BTC: variants seen among roughly 807,000 people sequenced by gnomAD.
BTC encodes probetacellulin.
A neutral mutation model predicts 18.1 loss-of-function variants in BTC; 13 were observed. The ratio of observed to expected loss-of-function variants is 0.72; its 90% CI spans 0.47 to 1.14. The LOEUF (loss-of-function observed/expected upper bound fraction) is 1.14. BTC is among the 50% of genes most tolerant of loss of function. The pLI, the probability that BTC is intolerant of heterozygous loss-of-function variation, is 0.00. For missense variants in BTC, 247 were observed against 224.2 expected (o/e 1.10, Z -0.65); for synonymous variants, 83 against 79.4 (o/e 1.05, Z -0.24).
chr4:74,747,184 T>C (rs1449923070), intron 5 of BTC, among the ~76,000 whole-genome samples: 11 of 152,330 alleles, frequency 7.2e-5, no homozygotes, highest in African/African-American at 2.4e-4. Context: ...TGCTTTGTTG[T>C]GCTAGTTACG....
intron 4 of BTC, among the ~76,000 whole-genome samples, chr4:74,749,951 C>G (rs1553955969): frequency 1.4e-5 from 2 of 142,262 alleles, no homozygotes; most frequent in Non-Finnish European, 3.0e-5. Flanking sequence ...AAAAAAAAAG[C>G]CTGGCTTGGT....
At chr4:74,754,938 A>AACACACAT (rs1724558543) in intron 3 of BTC, among the ~76,000 whole-genome samples, 1 of 149,904 alleles carries the variant, frequency 6.7e-6, no homozygotes. Context: ...TATCCCTCTC[A>AACACACAT]ACACACACAC....
At chr4:74,752,239 T>G (rs1304838789) in intron 3 of BTC, among the ~76,000 whole-genome samples, 3 of 152,138 alleles carry the variant, frequency 2.0e-5, no homozygotes, top group African/African-American at 7.2e-5. Context: ...GACCCAAGGA[T>G]GAATGAAAGA....
At chr4:74,764,914 T>C (rs983188243) in intron 2 of BTC, among the ~76,000 whole-genome samples, 1 of 151,926 alleles carries the variant, frequency 6.6e-6, no homozygotes, top group Non-Finnish European at 1.5e-5. Context: ...CAGACAGTGA[T>C]TGAGGAGCAA....
At chr4:74,757,274 A>G (rs9307118) in intron 2 of BTC, among the ~76,000 whole-genome samples, 65,382 of 152,108 alleles carry the variant, frequency 0.43, 14,317 homozygotes, top group East Asian at 0.62. Flanking sequence ...AGGAATCTCA[A>G]AGGACTTAGG....
chr4:74,773,891 C>T (rs1725112046), intron 1 of BTC, among the ~76,000 whole-genome samples: 1 of 152,070 alleles, frequency 6.6e-6, no homozygotes, highest in South Asian at 2.1e-4. Context: ...GGATTACAGG[C>T]ATGAGCCACC....
chr4:74,769,396 C>T (rs10005089), intron 2 of BTC, among the ~76,000 whole-genome samples: 35,362 of 151,944 alleles, frequency 0.23, 5,381 homozygotes, highest in African/African-American at 0.43. Context: ...TAAAGTTTTA[C>T]TGAAACAGAG....
intron 2 of BTC, among the ~76,000 whole-genome samples, chr4:74,767,734 A>G (rs1330439645): frequency 6.6e-6 from 1 of 152,116 alleles, no homozygotes; most frequent in Admixed American, 6.6e-5. Context: ...CAATAAACCC[A>G]TGAATATATG....
chr4:74,789,587 C>T (rs183742026), intron 1 of BTC, among the ~76,000 whole-genome samples: 10 of 152,196 alleles, frequency 6.6e-5, no homozygotes, highest in African/African-American at 2.4e-4. Flanking sequence ...CTCAATGTTA[C>T]AAGGCAACCA....
At chr4:74,761,290 T>A (rs1280029788) in intron 2 of BTC, among the ~76,000 whole-genome samples, 1 of 152,182 alleles carries the variant, frequency 6.6e-6, no homozygotes, top group Non-Finnish European at 1.5e-5. Flanking sequence ...CCATGATGAA[T>A]CCATGGCTCA....
At position 74,745,460 on chromosome 4, in the gene BTC, C is replaced by T. The variant is rs139784399; in HGVS notation, c.*1217G>A. ...TCCATCGATTTTTGTAAGTGAACCA[C>T]GTAATCAATGTAAAAAGTTAAATAT... is the stretch of plus-strand genomic sequence containing the variant. On this transcript the variant is annotated 3_prime_UTR_variant, in exon 6 of 6. Coordinates refer to ENST00000395743, the MANE Select transcript of BTC (RefSeq NM_001729.4). The T allele has an allele frequency of 7.9e-5, 12 of 152,266 alleles. No homozygotes were observed. Among genetic ancestry groups the T allele is most frequent in the African/African-American group, 2.4e-4 (10 of 41,550 alleles). The allele number at this position is 152,266 out of a possible 1,614,324, so 9.4% of individuals were successfully genotyped here. A position where few individuals can be genotyped will look rare whatever the true frequency, so the allele number is the denominator to read the frequency against.
chr4:74,755,921 G>C lies in BTC; in HGVS notation c.219C>G (p.Tyr73Ter), dbSNP rs1724585287. 1 of 1,614,062 alleles carries C rather than the reference G, an allele frequency of 6.2e-7. No individual in the cohort carries two copies. Among genetic ancestry groups the C allele is most frequent in the Non-Finnish European group, 8.5e-7 (1 of 1,180,022 alleles). The change falls in exon 3 of 6, where the codon TAC (tyrosine) becomes TAG (stop). Residue 73 changes from tyrosine (Y) to a stop codon, truncating the protein, a stop_gained. Coordinates refer to ENST00000395743, the MANE Select transcript of BTC (RefSeq NM_001729.4). LOFTEE classifies it high-confidence loss of function. ...KGHFSRCPKQ[Y>*]KHYCIKGRCR... ...ATCTCCCTTTGATGCAGTAATGCTT[G>C]TATTGCTTGGGGCACCTAGAGAAGT...
chr4:74,780,760 A>G (rs1241191767), intron 1 of BTC, among the ~76,000 whole-genome samples: 2 of 152,168 alleles, frequency 1.3e-5, no homozygotes, highest in Non-Finnish European at 2.9e-5. Context: ...GATGAGGACC[A>G]TAAGAGAACA....
chr4:74,784,230 T>C (rs1169453660), intron 1 of BTC, among the ~76,000 whole-genome samples: 1 of 130,326 alleles, frequency 7.7e-6, no homozygotes, highest in Admixed American at 7.7e-5. Flanking sequence ...AGATTCTCTC[T>C]CGAAAAAAAA....
intron 4 of BTC, among the ~76,000 whole-genome samples, chr4:74,749,065 A>T (rs1207626230): frequency 6.6e-6 from 1 of 152,198 alleles, no homozygotes. Context: ...TTTACAGAAA[A>T]TAAAAGTTCA....
intron 1 of BTC, among the ~76,000 whole-genome samples, chr4:74,770,978 G>A (rs1289946430): frequency 2.0e-5 from 3 of 151,072 alleles, no homozygotes; most frequent in Non-Finnish European, 1.5e-5. Context: ...ATGTATCTGG[G>A]GTTTGCTTTA....
chr4:74,763,037 T>C (rs570306263), intron 2 of BTC, among the ~76,000 whole-genome samples: 1 of 152,334 alleles, frequency 6.6e-6, no homozygotes, highest in East Asian at 1.9e-4. Flanking sequence ...TCTGTATTTC[T>C]GGTTTCTCAT....
intron 3 of BTC, among the ~76,000 whole-genome samples, chr4:74,755,090 A>G (rs1380286307): frequency 6.6e-6 from 1 of 152,104 alleles, no homozygotes; most frequent in African/African-American, 2.4e-5. Context: ...ATGACCCTTA[A>G]AGTTTCCACA....
At chr4:74,781,440 T>A (rs1725328275) in intron 1 of BTC, among the ~76,000 whole-genome samples, 1 of 149,776 alleles carries the variant, frequency 6.7e-6, no homozygotes, top group African/African-American at 2.5e-5. Context: ...AACAATCTCT[T>A]ATCCCTTGTC....
Sources: allele counts gnomAD v4.1 joint callset (sites outside exome capture counted in the v4.1 genomes callset), GRCh38; gene constraint gnomAD v4.1.1; transcripts MANE v1.5; gene names NCBI Gene and HGNC (gene_info 2026-07-23, HGNC 2026-07-21).